Variants in EXD3 observed in about 807,000 individuals in gnomAD.
EXD3 encodes the protein exonuclease 3'-5' domain containing 3.
Under a neutral mutation model 98.0 loss-of-function variants are expected in EXD3, and 92 were observed. The ratio of observed to expected loss-of-function variants is 0.94; its 90% CI spans 0.79 to 1.12. EXD3 has a LOEUF of 1.12. EXD3 is among the 50% of genes most tolerant of loss of function. The pLI is 0.00. For synonymous variants in EXD3, 569 were observed against 526.0 expected (o/e 1.08, Z -1.12); for missense variants, 1,222 against 1,191.6 (o/e 1.03, Z -0.38).
At chr9:137,423,053 C>G (rs1838623201) in intron 1 of EXD3, 61 bp downstream of exon 1, 1 of 152,066 alleles carries the variant, frequency 6.6e-6, no homozygotes, top group African/African-American at 2.4e-5. Context: ...CCCGGCCCGG[C>G]CCCGCTCTGC....
In EXD3 at chr9:137,352,349, C is replaced by T. The variant is rs527811570; in HGVS notation, c.1038-148G>A. 160 of 1,193,216 alleles carry T rather than the reference C, an allele frequency of 1.3e-4. No individual in the cohort carries two copies. The African/African-American group carries it at 1.8e-3, about 13-fold the overall frequency. The allele number at this position is 1,193,216 out of a possible 1,614,324, so 73.9% of individuals were successfully genotyped here. A position where few individuals can be genotyped will look rare whatever the true frequency, so the allele number is the denominator to read the frequency against. ...CCCACACCGGCTCAGTCCAGCCCAGCGTGACCCTTGCTCCTGCCTCTCCTC... is the reference window on the plus strand; with the variant it reads ...CCCACACCGGCTCAGTCCAGCCCAGTGTGACCCTTGCTCCTGCCTCTCCTC... On this transcript the variant is annotated intron_variant, in intron 11 of 21. Transcript: ENST00000340951.
Position 137,356,357 on chromosome 9 carries a change from T to G in EXD3, c.668A>C (p.Glu223Ala), listed in dbSNP as rs1435820375. Residue 223 changes from glutamate (E) to alanine (A), a missense_variant, in exon 8 of 22, where the codon GAG (glutamate) becomes GCG (alanine). Glu to Ala is a moderately radical substitution (Grantham distance 107, BLOSUM62 -1). Coordinates refer to ENST00000340951, the MANE Select transcript of EXD3 (RefSeq NM_017820.5). ...CTTCTCCAGGCTCAAGGAGGTCACC[T>G]CAGGGTACCGTCTGTGGGGAGAGAG... The part of the protein sequence containing the change: ...DIKDVARRYP[E>A]VTSLSLEKLS... 6.3e-7 allele frequency: 1 copy of G among 1,599,870 alleles called. No individual in the cohort carries two copies. The highest frequency in any genetic ancestry group is 2.2e-5 in the East Asian group (1 of 44,462).
intron 3 of EXD3, among the ~76,000 whole-genome samples, chr9:137,376,436 A>G (rs1026887056): frequency 1.3e-5 from 2 of 150,624 alleles, no homozygotes; most frequent in African/African-American, 4.9e-5. Flanking sequence ...TCATCTATCC[A>G]TGTGCTTAGA....
chr9:137,367,396 G>A (rs898299007), intron 6 of EXD3, among the ~76,000 whole-genome samples: 120 of 152,256 alleles, frequency 7.9e-4, no homozygotes, highest in African/African-American at 2.6e-3. Context: ...GGCTCTGCCC[G>A]AGGGGTGCTC....
At chr9:137,363,539 T>C (rs1160951651) in intron 7 of EXD3, among the ~76,000 whole-genome samples, 1 of 151,888 alleles carries the variant, frequency 6.6e-6, no homozygotes, top group African/African-American at 2.4e-5. Context: ...GGTTTCACCA[T>C]GTTGGCCAGG....
At chr9:137,310,927 C>T (rs1481612622) in intron 19 of EXD3, among the ~76,000 whole-genome samples, 1 of 152,224 alleles carries the variant, frequency 6.6e-6, no homozygotes, top group East Asian at 1.9e-4. Flanking sequence ...CATGCAGGGG[C>T]TTTGGGTTGA....
chr9:137,383,408 G>A (rs1450379321), intron 2 of EXD3, 31 bp from the exon 3 acceptor site: 5 of 1,505,330 alleles, frequency 3.3e-6, no homozygotes, highest in African/African-American at 1.4e-5. Flanking sequence ...CCGTGGGAGG[G>A]AGAGGCAGGT....
At chr9:137,316,873 G>C (rs189294483) in intron 19 of EXD3, among the ~76,000 whole-genome samples, 1 of 152,192 alleles carries the variant, frequency 6.6e-6, no homozygotes, top group South Asian at 2.1e-4. Flanking sequence ...GGAGTGGCCC[G>C]TTCAGCCCAC....
At chr9:137,334,851 G>C (rs1833271572) in intron 17 of EXD3, among the ~76,000 whole-genome samples, 1 of 152,178 alleles carries the variant, frequency 6.6e-6, no homozygotes, top group Non-Finnish European at 1.5e-5. Context: ...GCCGAGGCGG[G>C]CGGATCACGA....
chr9:137,315,065 A>T (rs1417853148), intron 19 of EXD3, among the ~76,000 whole-genome samples: 1 of 152,008 alleles, frequency 6.6e-6, no homozygotes, highest in Non-Finnish European at 1.5e-5. Flanking sequence ...GCTCCCTTGG[A>T]ATGTGCCCCC....
chr9:137,355,709 G>T (rs796119227), intron 8 of EXD3, among the ~76,000 whole-genome samples: 3,719 of 144,666 alleles, frequency 0.026, no homozygotes, highest in African/African-American at 0.09. Flanking sequence ...AAGGAGGAAG[G>T]AGGAAGGAGG....
intron 2 of EXD3, among the ~76,000 whole-genome samples, chr9:137,388,069 A>C (rs1836698275): frequency 1.3e-5 from 2 of 152,172 alleles, no homozygotes; most frequent in Non-Finnish European, 1.5e-5. Context: ...GGACACCTAG[A>C]AAAAACTCAA....
rs138489742 is a variant in EXD3, at chr9:137,376,108, G to A, written c.121-2509C>T. Reference sequence around the variant, plus strand: ...GCCTGTAATCCCAGCACTTTGGGAGGCTGAGGCGGGCAGATCACGAGGTCA... The same window carrying A: ...GCCTGTAATCCCAGCACTTTGGGAGACTGAGGCGGGCAGATCACGAGGTCA... On this transcript the variant is annotated intron_variant, in intron 3 of 21. Coordinates refer to ENST00000340951, the MANE Select transcript of EXD3 (RefSeq NM_017820.5). Among the ~76,000 whole-genome samples, 355 of 152,168 alleles carry A rather than the reference G, an allele frequency of 2.3e-3. 5 individuals carry two copies. In the Middle Eastern group the frequency reaches 0.048, roughly 20 times the overall value.
intron 17 of EXD3, among the ~76,000 whole-genome samples, chr9:137,329,788 T>TTC: frequency 4.2e-5 from 1 of 23,590 alleles, no homozygotes; most frequent in African/African-American, 2.3e-4. Flanking sequence ...TACACGGGAC[T>TTC]ACACGGGACT....
intron 19 of EXD3, among the ~76,000 whole-genome samples, chr9:137,318,737 CAG>C (rs764981810): frequency 5.3e-5 from 8 of 152,084 alleles, no homozygotes; most frequent in Non-Finnish European, 7.4e-5. Flanking sequence ...CTGCCTGGCT[CAG>C]GGGCACACGT....
Position 137,367,946 on chromosome 9 carries a change from C to G in EXD3, c.506G>C (p.Gly169Ala), listed in dbSNP as rs754612973. The change falls in exon 6 of 22, where the codon GGC becomes GCC. Residue 169 changes from glycine to alanine, a missense_variant. Transcript: ENST00000340951. Reference sequence around the variant, plus strand: ...GAGAAAGACGTTCACCTTTTCAACGCCAAGCTCCGACTGCAGCTTCAACGT... The same window carrying G: ...GAGAAAGACGTTCACCTTTTCAACGGCAAGCTCCGACTGCAGCTTCAACGT... ...GATLKLQSEL[G>A]VEKMSIPLLL... 1 of 1,611,992 alleles carries G rather than the reference C, an allele frequency of 6.2e-7. No individual in the cohort carries two copies. The highest frequency in any genetic ancestry group is 1.3e-5 in the African/African-American group (1 of 74,942).
rs535380261 is a variant in EXD3, at chr9:137,374,484, T to C, written c.121-885A>G. 9 of 885,080 alleles carry C rather than the reference T, an allele frequency of 1.0e-5. No individual in the cohort carries two copies. In the South Asian group the frequency reaches 4.1e-4, roughly 41 times the overall value. The allele number at this position is 885,080 out of a possible 1,614,324, so 54.8% of individuals were successfully genotyped here. Reference sequence around the variant, plus strand: ...TCTCCACGGGGCTCCAGGAGCAACATCCTGAGGCTGCCGCGCAGCTTTGAA... The same window carrying C: ...TCTCCACGGGGCTCCAGGAGCAACACCCTGAGGCTGCCGCGCAGCTTTGAA... On this transcript the variant is annotated intron_variant, in intron 3 of 21. Transcript: ENST00000340951.
intron 3 of EXD3, among the ~76,000 whole-genome samples, chr9:137,375,150 A>G (rs1461134590): frequency 1.3e-5 from 2 of 152,102 alleles, no homozygotes; most frequent in Non-Finnish European, 2.9e-5. Context: ...CTGGGACTAT[A>G]GGCGCGCGCC....
At chr9:137,367,416 C>G (rs4074954) in intron 6 of EXD3, 18,370 of 156,214 alleles carry the variant, frequency 0.12, 1,562 homozygotes, top group Admixed American at 0.22. Flanking sequence ...CACTCCCCCA[C>G]CCTGCCCCTG....
Sources: allele counts gnomAD v4.1 joint callset (sites outside exome capture counted in the v4.1 genomes callset), GRCh38; gene constraint gnomAD v4.1.1; transcripts MANE v1.5; gene names NCBI Gene and HGNC (gene_info 2026-07-23, HGNC 2026-07-21).